HEY1: variants seen among roughly 807,000 people sequenced by gnomAD.
The protein encoded by HEY1 is hairy/enhancer-of-split related with YRPW motif protein 1.
In HEY1, 9 loss-of-function variants were observed where a neutral mutation model predicts 28.7. The observed-to-expected ratio is 0.31, with a 90% CI of 0.19 to 0.55. HEY1 has a LOEUF of 0.55. Ranked by LOEUF, HEY1 falls within the 20% of genes least tolerant of loss-of-function variation. The pLI, the probability that HEY1 is intolerant of heterozygous loss-of-function variation, is 0.93. For missense variants in HEY1, 385 were observed against 399.4 expected, an observed-to-expected ratio of 0.96 and a Z score of 0.31; for synonymous variants, 213 against 175.6, an observed-to-expected ratio of 1.21 and a Z score of -1.68.
At chr8:79,766,808 T>A in intron 3 of HEY1, 76 bp from the exon 4 acceptor site, 1 of 1,463,590 alleles carries the variant, frequency 6.8e-7, no homozygotes, top group Non-Finnish European at 9.6e-7. Flanking sequence ...CAAACATATA[T>A]ACAAAGATAC....
In HEY1 at chr8:79,764,757, T is replaced by A. The variant is rs1350944691; in HGVS notation, c.*431A>T. 2 of 222,980 alleles carry A rather than the reference T, an allele frequency of 9.0e-6. No individual in the cohort carries two copies. The highest frequency in any genetic ancestry group is 4.5e-5 in the African/African-American group (2 of 44,806). 13.8% of individuals were successfully genotyped at this position (222,980 alleles called of 1,614,324 possible). A position where few individuals can be genotyped will look rare whatever the true frequency, so the allele number is the denominator to read the frequency against. On this transcript the variant is annotated 3_prime_UTR_variant, in exon 5 of 5. Transcript: ENST00000354724. ...ATTAACAAACAGAATCATGTTAACA[T>A]TAAGCATAGTGGTTTGGAAAATTAA...
At position 79,765,505 on chromosome 8, in the gene HEY1, C is replaced by T. The variant is rs775767380; in HGVS notation, c.598G>A (p.Gly200Ser). The stretch of plus-strand genomic sequence containing the variant: ...GCCGTGGTGCCCGCGTTCCCGTGGC[C>T]GTTCTGGGGCAGCAACAGCGGGTGC... Reference protein sequence around the residue: ...IAHPLLLPQNGHGNAGTTASP... With the variant: ...IAHPLLLPQNSHGNAGTTASP... The change falls in exon 5 of 5, where the codon GGC becomes AGC. Residue 200 changes from glycine to serine, a missense_variant. Around this residue, in one of 3 missense-constraint regions of HEY1, gnomAD observed 223 missense variants for 215.9 expected, o/e 1.03. Coordinates refer to ENST00000354724, the MANE Select transcript of HEY1 (RefSeq NM_012258.4). 6.2e-6 allele frequency: 10 copies of T among 1,613,568 alleles called. No individual in the cohort carries two copies. Among genetic ancestry groups the T allele is most frequent in the Non-Finnish European group, 6.8e-6 (8 of 1,179,884 alleles).
rs745408501 is a variant in HEY1 at position 79,765,420 on chromosome 8, G to A, written c.683C>T (p.Ala228Val). The change falls in exon 5 of 5, where the codon GCT becomes GTT. Residue 228 changes from alanine (A) to valine (V), a missense_variant. Physicochemically the swap from Ala to Val is moderately conservative, Grantham distance 64 (BLOSUM62 0). Transcript: ENST00000354724. ...GCTGCCGCTAGGGGGCGCTCGCAAA[G>A]CAGGCGCCTCCGGATGTGCCGAGCC... ...RLGSAHPEAP[A>V]LRAPPSGSLG... is the part of the protein sequence containing the mutation. 1 of 1,611,196 alleles carries A rather than the reference G, an allele frequency of 6.2e-7. No homozygotes were observed. Among genetic ancestry groups the A allele is most frequent in the African/African-American group, 1.3e-5 (1 of 75,024 alleles).
In HEY1 at chr8:79,764,886, CAAAGT is replaced by C. The variant is rs1807788333; in HGVS notation, c.*297_*301del. 2 of 267,598 alleles carry C rather than the reference CAAAGT, an allele frequency of 7.5e-6. No individual in the cohort carries two copies. Among genetic ancestry groups the C allele is most frequent in the East Asian group, 1.2e-4 (2 of 17,374 alleles). The allele number at this position is 267,598 out of a possible 1,614,324, so 16.6% of individuals were successfully genotyped here. A position where few individuals can be genotyped will look rare whatever the true frequency, so the allele number is the denominator to read the frequency against. ...GCAAAAACGGAATCATTCTGGTTTACAAAGTAAATTAGGCACAGTACAAACCTATC... is the reference window on the plus strand; with the variant it reads ...GCAAAAACGGAATCATTCTGGTTTACAAATTAGGCACAGTACAAACCTATC... On this transcript the variant is annotated 3_prime_UTR_variant, in exon 5 of 5. Coordinates refer to ENST00000354724, the MANE Select transcript of HEY1 (RefSeq NM_012258.4).
Position 79,767,066 on chromosome 8 carries a change from C to A in HEY1, c.192G>T (p.Arg64=), listed in dbSNP as rs748969294. The change falls in exon 3 of 5, where the codon CGG becomes CGT. Residue 64 remains arginine (R), a synonymous_variant. Coordinates refer to ENST00000354724, the MANE Select transcript of HEY1 (RefSeq NM_012258.4). ...TCAGCTCAGACAAACTGTTATTGAT[C>A]CGGTCTCGTCGGCGCTTCTCAATTA... The part of the protein sequence containing the change: ...RGIIEKRRRD[R]INNSLSELRR... 1 of 1,614,062 alleles carries A rather than the reference C, an allele frequency of 6.2e-7. No individual in the cohort carries two copies. Among genetic ancestry groups the A allele is most frequent in the Non-Finnish European group, 8.5e-7 (1 of 1,180,006 alleles).
At chr8:79,767,543 G>A (rs1214544244) in intron 1 of HEY1, 32 bp downstream of exon 1, 1 of 1,577,456 alleles carries the variant, frequency 6.3e-7, no homozygotes, top group South Asian at 1.1e-5. Flanking sequence ...CTCCCGCTCT[G>A]GCTCGGCTCC....
intron 1 of HEY1, 73 bp downstream of exon 1, chr8:79,767,502 C>A (rs1049410804): frequency 1.4e-6 from 2 of 1,443,654 alleles, no homozygotes; most frequent in Admixed American, 1.9e-5. Context: ...AGGGTCCTAG[C>A]CCGCTGTCAC....
Position 79,767,722 on chromosome 8 carries a change from A to C in HEY1, c.-59T>G. ...CGCGGCGGGCAGGGAGGAGTTAACTACAGCGGCGCCTCTCCGCTCTCGGCT... is the reference window on the plus strand; with the variant it reads ...CGCGGCGGGCAGGGAGGAGTTAACTCCAGCGGCGCCTCTCCGCTCTCGGCT... On this transcript the variant is annotated 5_prime_UTR_variant, in exon 1 of 5. Transcript: ENST00000354724. The C allele has an allele frequency of 1.6e-6, 2 of 1,269,572 alleles. No individual in the cohort carries two copies. Among genetic ancestry groups the C allele is most frequent in the Non-Finnish European group, 2.2e-6 (2 of 899,834 alleles). The allele number at this position is 1,269,572 out of a possible 1,614,324, so 78.6% of individuals were successfully genotyped here.
Position 79,767,313 on chromosome 8 carries a change from C to A in HEY1, c.90-19G>T, listed in dbSNP as rs187014780. 89 of 1,601,230 alleles carry A rather than the reference C, an allele frequency of 5.6e-5. No individual in the cohort carries two copies. The highest frequency in any genetic ancestry group is 7.1e-5 in the Non-Finnish European group (83 of 1,171,354). ...CAAGTTTCTGAAAAGAGAAAAAGAA[C>A]AAACAAAAACTGAAATCGCCGTTAA... On this transcript the variant is annotated intron_variant, in intron 1 of 4. Transcript: ENST00000354724.
chr8:79,764,272 A>G lies in HEY1; in HGVS notation c.*916T>C. 1 of 224,632 alleles carries G rather than the reference A, an allele frequency of 4.5e-6. No homozygotes were observed. The highest frequency in any genetic ancestry group is 8.9e-6 in the Non-Finnish European group (1 of 112,714). 13.9% of individuals were successfully genotyped at this position (224,632 alleles called of 1,614,324 possible). A position where few individuals can be genotyped will look rare whatever the true frequency, so the allele number is the denominator to read the frequency against. ...AAAGAAAATATGGCAGTCCCAGGAA[A>G]ATTAGGTTATGCATTTAACAGTTTC... On this transcript the variant is annotated 3_prime_UTR_variant, in exon 5 of 5. Transcript: ENST00000354724.
chr8:79,766,627 C>G, intron 4 of HEY1, 24 bp downstream of exon 4: 1 of 1,613,590 alleles, frequency 6.2e-7, no homozygotes, highest in Non-Finnish European at 8.5e-7. Flanking sequence ...CATTCAGAGC[C>G]CCCACTAGGT....
rs1210580704 is a variant in HEY1, at chr8:79,764,305, C to G, written c.*883G>C. Reference sequence around the variant, plus strand: ...TATGCATTTAACAGTTTCCACTGTACTACTCAATTGACCACTCGCACACCA... The same window carrying G: ...TATGCATTTAACAGTTTCCACTGTAGTACTCAATTGACCACTCGCACACCA... On this transcript the variant is annotated 3_prime_UTR_variant, in exon 5 of 5. Transcript: ENST00000354724. The G allele has an allele frequency of 4.4e-6, 1 of 225,886 alleles. No homozygotes were observed. The highest frequency in any genetic ancestry group is 8.8e-6 in the Non-Finnish European group (1 of 113,654). 14.0% of individuals were successfully genotyped at this position (225,886 alleles called of 1,614,324 possible).
Position 79,765,361 on chromosome 8 carries a change from A to T in HEY1, c.742T>A (p.Ser248Thr). The T allele has an allele frequency of 6.3e-7, 1 of 1,585,874 alleles. No individual in the cohort carries two copies. Among genetic ancestry groups the T allele is most frequent in the Non-Finnish European group, 8.6e-7 (1 of 1,165,946 alleles). The change falls in exon 5 of 5, where the codon TCC (serine) becomes ACC (threonine). Residue 248 changes from serine to threonine, a missense_variant. Ser to Thr is a moderately conservative substitution (Grantham distance 58). Coordinates refer to ENST00000354724, the MANE Select transcript of HEY1 (RefSeq NM_012258.4). Reference sequence around the variant, plus strand: ...GAGAGCAGAGGCGGCGACAGTTTGGAGGCGGAGGTGACCACAGGGAGCACC... The same window carrying T: ...GAGAGCAGAGGCGGCGACAGTTTGGTGGCGGAGGTGACCACAGGGAGCACC... ...GPVLPVVTSA[S>T]KLSPPLLSSV... is the part of the protein sequence containing the mutation.
Position 79,765,811 on chromosome 8 carries a change from C to A in HEY1, c.332-40G>T, listed in dbSNP as rs781103353. The A allele has an allele frequency of 1.1e-5, 17 of 1,538,382 alleles. No individual in the cohort carries two copies. In the South Asian group the frequency reaches 2.1e-4, roughly 19 times the overall value. On this transcript the variant is annotated intron_variant, in intron 4 of 4. Transcript: ENST00000354724. ...AAAAGAAAAATCTCAGGGCTTTGCC[C>A]GTTTCCCTCATTTCTTAAGTCCCAG... is the stretch of plus-strand genomic sequence containing the variant.
rs1173002925 is a variant in HEY1 at position 79,767,331 on chromosome 8, G to T, written c.90-37C>A. The T allele has an allele frequency of 1.9e-6, 3 of 1,564,646 alleles. No homozygotes were observed. In the Admixed American group the frequency reaches 5.2e-5, roughly 27 times the overall value. On this transcript the variant is annotated intron_variant, in intron 1 of 4. Coordinates refer to ENST00000354724, the MANE Select transcript of HEY1 (RefSeq NM_012258.4). ...AAAAGAACAAACAAAAACTGAAATC[G>T]CCGTTAAACGAGGAGAGGTGATCTG...
Position 79,765,541 on chromosome 8 carries a change from G to A in HEY1, c.562C>T (p.Pro188Ser). Residue 188 changes from proline to serine, a missense_variant, in exon 5 of 5, where the codon CCG becomes TCG. By Grantham distance (74) the Pro-to-Ser change is moderately conservative. Around this residue, in one of 3 missense-constraint regions of HEY1, gnomAD observed 223 missense variants for 215.9 expected, o/e 1.03. Coordinates refer to ENST00000354724, the MANE Select transcript of HEY1 (RefSeq NM_012258.4). ...AGCAACAGCGGGTGCGCGATGTGCG[G>A]GTGATGTCCGAAGACGGTCCCCCAG... Reference protein sequence around the residue: ...IPWGTVFGHHPHIAHPLLLPQ... With the variant: ...IPWGTVFGHHSHIAHPLLLPQ... 8.7e-6 allele frequency: 14 copies of A among 1,613,978 alleles called. No homozygotes were observed. Among genetic ancestry groups the A allele is most frequent in the Non-Finnish European group, 9.3e-6 (11 of 1,180,042 alleles).
chr8:79,765,145 C>A lies in HEY1; in HGVS notation c.*43G>T, dbSNP rs139456432. 2,281 of 1,394,420 alleles carry A rather than the reference C, an allele frequency of 1.6e-3. 41 individuals are homozygous for A. The highest frequency in any genetic ancestry group is 8.3e-5 in the Non-Finnish European group (85 of 1,028,912). The allele number at this position is 1,394,420 out of a possible 1,614,324, so 86.4% of individuals were successfully genotyped here. ...TGATGTTGGCAACAGTCCAGCCCAG[C>A]TGGGATTTTAAACTTTCCCCTCCCT... On this transcript the variant is annotated 3_prime_UTR_variant, in exon 5 of 5. Coordinates refer to ENST00000354724, the MANE Select transcript of HEY1 (RefSeq NM_012258.4).
At chr8:79,766,141 G>A in intron 4 of HEY1, 2 of 1,228,238 alleles carry the variant, frequency 1.6e-6, no homozygotes, top group Non-Finnish European at 1.1e-6. Context: ...TATCATCGCG[G>A]AGCTTTTAGG....
At chr8:79,766,917 C>T (rs1316707784) in intron 3 of HEY1, 92 bp downstream of exon 3, 4 of 1,273,244 alleles carry the variant, frequency 3.1e-6, no homozygotes, top group Non-Finnish European at 4.6e-6. Flanking sequence ...ACAAGCAACA[C>T]AGCTATTTTC....
Sources: allele counts gnomAD v4.1 joint callset, GRCh38; gene constraint gnomAD v4.1.1; regional missense constraint gnomAD v4.1.1; transcripts MANE v1.5; gene names NCBI Gene and HGNC (gene_info 2026-07-23, HGNC 2026-07-21).